Variants in TANK observed in about 807,000 individuals in gnomAD.
The protein encoded by TANK is TRAF family member associated NFKB activator, also known as TRAF family member-associated NF-kappa-B activator.
In TANK, 15 loss-of-function variants were observed where a neutral mutation model predicts 43.6. That is an observed-to-expected ratio of 0.34 (90% CI 0.23 to 0.53). TANK has a LOEUF of 0.53. Among genes scored for constraint, TANK ranks in the 20% least tolerant of loss-of-function variants. TANK has a pLI of 0.94. For synonymous variants in TANK, 162 were observed against 178.2 expected, an observed-to-expected ratio of 0.91 and a Z score of 0.73; for missense variants, 417 against 498.6, an observed-to-expected ratio of 0.84 and a Z score of 1.56.
intron 1 of TANK, among the ~76,000 whole-genome samples, chr2:161,142,441 T>G (rs1683777357): frequency 6.6e-6 from 1 of 152,242 alleles, no homozygotes; most frequent in African/African-American, 2.4e-5. Context: ...CTTCCAAGGA[T>G]TTTATGGTTT....
intron 2 of TANK, among the ~76,000 whole-genome samples, chr2:161,190,962 A>G (rs188028387): frequency 1.3e-5 from 2 of 152,326 alleles, no homozygotes; most frequent in East Asian, 3.9e-4. Context: ...AAAAAAAAGA[A>G]TTGGTCTAGC....
At chr2:161,213,600 A>G (rs1686988991) in intron 4 of TANK, among the ~76,000 whole-genome samples, 1 of 133,198 alleles carries the variant, frequency 7.5e-6, no homozygotes, top group Non-Finnish European at 1.6e-5. Flanking sequence ...ACTTTGTCTC[A>G]AAAAAAAAAA....
chr2:161,140,533 T>C (rs1683715901), intron 1 of TANK, among the ~76,000 whole-genome samples: 1 of 152,070 alleles, frequency 6.6e-6, no homozygotes. Context: ...ATTTCTTCTA[T>C]AGTTAGCTCT....
chr2:161,204,829 G>A, intron 4 of TANK, 36 bp downstream of exon 4: 1 of 1,594,148 alleles, frequency 6.3e-7, no homozygotes, highest in Non-Finnish European at 8.5e-7. Context: ...GCATTTAAAT[G>A]CTGATGCGTG....
intron 1 of TANK, among the ~76,000 whole-genome samples, chr2:161,153,018 C>T (rs1216428099): frequency 6.6e-6 from 1 of 152,008 alleles, no homozygotes; most frequent in African/African-American, 2.4e-5. Flanking sequence ...CTCATTTCTC[C>T]TTCAAGACTC....
intron 1 of TANK, chr2:161,163,429 T>G (rs1684532141): frequency 6.6e-6 from 1 of 152,188 alleles, no homozygotes; most frequent in African/African-American, 2.4e-5. Context: ...AACTTTTTTT[T>G]CATGGACAAG....
chr2:161,156,590 A>G (rs1344156177), upstream of TANK, among the ~76,000 whole-genome samples: 1 of 152,214 alleles, frequency 6.6e-6, no homozygotes, highest in Non-Finnish European at 1.5e-5. Context: ...ACTCGTTCCA[A>G]GCCTTGTGTC....
Position 161,145,394 on chromosome 2 carries a change from T to C in TANK, c.-50+8331T>C, listed in dbSNP as rs551258737. On this transcript the variant is annotated intron_variant, in intron 1 of 7. Transcript: ENST00000259075. Reference sequence around the variant, plus strand: ...GATGCTATCTGGTTATTTTGCACACTAGTTGATGCAGTTTTTTCATAGTGT... The same window carrying C: ...GATGCTATCTGGTTATTTTGCACACCAGTTGATGCAGTTTTTTCATAGTGT... 1.1e-4 allele frequency among the ~76,000 whole-genome samples: 17 copies of C among 151,992 alleles called. 1 individual carries two copies. The highest frequency in any genetic ancestry group is 4.1e-4 in the African/African-American group (17 of 41,294).
upstream of TANK, chr2:161,159,329 A>G (rs921866366): frequency 1.3e-5 from 2 of 152,228 alleles, no homozygotes; most frequent in Admixed American, 1.3e-4. Flanking sequence ...CGGGGCAGAA[A>G]GTATATGGAA....
chr2:161,206,339 C>A (rs2105349953), intron 4 of TANK, among the ~76,000 whole-genome samples: 1 of 152,110 alleles, frequency 6.6e-6, no homozygotes, highest in East Asian at 1.9e-4. Context: ...GAACTCCTAG[C>A]AAATAAGGTT....
chr2:161,213,455 T>C (rs1177800363), intron 4 of TANK, among the ~76,000 whole-genome samples: 4 of 151,946 alleles, frequency 2.6e-5, no homozygotes, highest in Non-Finnish European at 4.4e-5. Context: ...ATACAAAAAT[T>C]AGCCAGGCAT....
chr2:161,166,982 C>T (rs1573970520), intron 1 of TANK, among the ~76,000 whole-genome samples: 1 of 152,276 alleles, frequency 6.6e-6, no homozygotes, highest in Non-Finnish European at 1.5e-5. Context: ...AGCAGTTATT[C>T]AAGGTGGTTT....
At position 161,224,673 on chromosome 2, in the gene TANK, T is replaced by C. The variant is rs1380886207; in HGVS notation, c.447T>C (p.Phe149=). ...CTTTCTGGGATCTGAAAGAAGAATTTCATAAAATATGCATGCTAGCAAAAG... is the reference window on the plus strand; with the variant it reads ...CTTTCTGGGATCTGAAAGAAGAATTCCATAAAATATGCATGCTAGCAAAAG... ...EKTFWDLKEE[F]HKICMLAKAQ... Residue 149 remains phenylalanine (F), a synonymous_variant, in exon 6 of 8, where the codon TTT becomes TTC. Transcript: ENST00000392749. 6.3e-7 allele frequency: 1 copy of C among 1,589,310 alleles called. No individual in the cohort carries two copies. The highest frequency in any genetic ancestry group is 1.3e-5 in the African/African-American group (1 of 74,280).
intron 4 of TANK, among the ~76,000 whole-genome samples, chr2:161,213,278 A>G (rs1040931764): frequency 1.3e-5 from 2 of 152,138 alleles, no homozygotes; most frequent in African/African-American, 4.8e-5. Context: ...CATCTAGTTT[A>G]TCTTATTATT....
At chr2:161,160,233 G>A (rs1684343340), upstream of TANK, 4 of 390,260 alleles carry the variant, frequency 1.0e-5, no homozygotes, top group Non-Finnish European at 9.0e-6. Context: ...TTTTTTCTAA[G>A]AGGCGGGGAC....
intron 4 of TANK, among the ~76,000 whole-genome samples, chr2:161,207,170 A>G (rs1686689038): frequency 2.0e-5 from 3 of 152,264 alleles, no homozygotes; most frequent in Non-Finnish European, 4.4e-5. Context: ...TGTGAAATAT[A>G]TATTTGGATA....
intron 4 of TANK, among the ~76,000 whole-genome samples, chr2:161,213,744 G>T: frequency 7.0e-6 from 1 of 143,244 alleles, no homozygotes; most frequent in Non-Finnish European, 1.5e-5. Context: ...GCCTCAAATA[G>T]ATATTGTATT....
chr2:161,164,734 T>C (rs964898353), intron 1 of TANK, among the ~76,000 whole-genome samples: 4 of 152,198 alleles, frequency 2.6e-5, no homozygotes, highest in Non-Finnish European at 5.9e-5. Context: ...TAAATTGTGG[T>C]AAAATTCACA....
At chr2:161,201,179 G>A (rs984688924) in intron 2 of TANK, 1 of 985,080 alleles carries the variant, frequency 1.0e-6, no homozygotes, top group African/African-American at 1.7e-5. Flanking sequence ...TGTAGACTTT[G>A]CTCGACCTTT....
Sources: allele counts gnomAD v4.1 joint callset (sites outside exome capture counted in the v4.1 genomes callset), GRCh38; gene constraint gnomAD v4.1.1; transcripts MANE v1.5; gene names NCBI Gene and HGNC (gene_info 2026-07-23, HGNC 2026-07-21).